Variants in ECPAS observed in about 807,000 individuals in gnomAD.
ECPAS encodes Ecm29 proteasome adaptor and scaffold, also known as proteasome adapter and scaffold protein ECM29.
ECPAS carries 70 observed loss-of-function variants against 255.1 expected under a neutral mutation model. The observed-to-expected ratio is 0.27, with a 90% CI of 0.23 to 0.33. The LOEUF is 0.33. ECPAS is among the 10% of genes least tolerant of loss of function. The probability of loss-of-function intolerance (pLI) is 1.00; values close to 1 mark genes in which losing one functional copy is unlikely to be tolerated. For missense variants in ECPAS, 1,817 were observed against 2,206.4 expected (o/e 0.82, Z 3.54); for synonymous variants, 784 against 775.0 (o/e 1.01, Z -0.19).
intron 7 of ECPAS, among the ~76,000 whole-genome samples, chr9:111,435,919 A>T (rs1356525753): frequency 6.9e-6 from 1 of 145,638 alleles, no homozygotes; most frequent in Non-Finnish European, 1.5e-5. Context: ...CGATCTCCTG[A>T]CCTCATGATC....
At chr9:111,421,898 C>T in intron 15 of ECPAS, 23 bp downstream of exon 15, 3 of 1,609,656 alleles carry the variant, frequency 1.9e-6, no homozygotes, top group Non-Finnish European at 2.5e-6. Context: ...ACTACCCAGG[C>T]TTTGTAGTTC....
chr9:111,393,201 T>C (rs1010063798), intron 27 of ECPAS, among the ~76,000 whole-genome samples: 3 of 152,188 alleles, frequency 2.0e-5, no homozygotes, highest in Non-Finnish European at 4.4e-5. Flanking sequence ...ACATCAGAGA[T>C]AAAACAGCCT....
chr9:111,427,120 C>A (rs540563000), intron 10 of ECPAS, among the ~76,000 whole-genome samples: 1 of 148,888 alleles, frequency 6.7e-6, no homozygotes, highest in African/African-American at 2.5e-5. Context: ...GATTGTGCCA[C>A]TGCACTCCAG....
intron 43 of ECPAS, 150 bp downstream of exon 43, chr9:111,371,471 G>A (rs961328583): frequency 1.3e-6 from 1 of 746,658 alleles, no homozygotes; most frequent in Non-Finnish European, 2.2e-6. Flanking sequence ...AGTTAATCAG[G>A]CAAGGTTTAC....
intron 12 of ECPAS, among the ~76,000 whole-genome samples, chr9:111,424,200 C>T (rs1277255386): frequency 6.6e-6 from 1 of 152,208 alleles, no homozygotes; most frequent in Non-Finnish European, 1.5e-5. Context: ...CTACTTACCA[C>T]CCCAAAGCAC....
intron 24 of ECPAS, among the ~76,000 whole-genome samples, chr9:111,399,771 A>G (rs2098172889): frequency 6.6e-6 from 1 of 152,264 alleles, no homozygotes. Context: ...CTGCTGTGGA[A>G]GAGCACTTCT....
At chr9:111,475,673 T>A (rs1188537169) in intron 1 of ECPAS, among the ~76,000 whole-genome samples, 2 of 151,626 alleles carry the variant, frequency 1.3e-5, no homozygotes, top group Non-Finnish European at 2.9e-5. Flanking sequence ...GAGGCAGAGG[T>A]TGCAATGAGC....
chr9:111,475,870 C>T lies in ECPAS; in HGVS notation c.-82-2870G>A, dbSNP rs140991285. 2.8e-3 allele frequency among the ~76,000 whole-genome samples: 425 copies of T among 152,222 alleles called. 5 individuals are homozygous for T. The highest frequency in any genetic ancestry group is 9.8e-3 in the African/African-American group (408 of 41,530). On this transcript the variant is annotated intron_variant, in intron 1 of 49. Coordinates refer to ENST00000684092, the MANE Select transcript of ECPAS (RefSeq NM_001364929.1). ...TTAAGTAACTAAAATTTAAATGATA[C>T]AGGCTTGCCTTGGCCTTTCTACAAA...
rs1414009884 is a variant in ECPAS at position 111,370,708 on chromosome 9, G to C, written c.4781+14C>G. The stretch of plus-strand genomic sequence containing the variant: ...CAGTTTAAGAAATGGCATCTTCATT[G>C]AAAGAACATTTACCTGCAAGCTGTC... On this transcript the variant is annotated intron_variant, in intron 44 of 49. Transcript: ENST00000684092. The C allele has an allele frequency of 3.1e-6, 5 of 1,606,844 alleles. No homozygotes were observed. Among genetic ancestry groups the C allele is most frequent in the African/African-American group, 2.7e-5 (2 of 74,828 alleles).
At chr9:111,412,207 C>G in intron 20 of ECPAS, 59 bp from the exon 21 acceptor site, 2 of 1,377,704 alleles carry the variant, frequency 1.5e-6, no homozygotes, top group Non-Finnish European at 1.9e-6. Context: ...TGCCTGATGA[C>G]AACATCTTTT....
At chr9:111,376,562 T>C in intron 36 of ECPAS, 21 bp from the exon 37 acceptor site, 1 of 1,571,392 alleles carries the variant, frequency 6.4e-7, no homozygotes, top group Non-Finnish European at 8.7e-7. Context: ...GAAATTAAAG[T>C]CACCCGGCAC....
intron 24 of ECPAS, among the ~76,000 whole-genome samples, chr9:111,398,322 A>C (rs997312184): frequency 6.6e-6 from 1 of 152,202 alleles, no homozygotes; most frequent in Non-Finnish European, 1.5e-5. Flanking sequence ...TTAGGGGTTC[A>C]TTTTATGTAC....
At chr9:111,408,513 A>C (rs1433437734) in intron 24 of ECPAS, 58 bp downstream of exon 24, 4 of 1,144,924 alleles carry the variant, frequency 3.5e-6, no homozygotes, top group Non-Finnish European at 4.9e-6. Flanking sequence ...CCTAAAAAAA[A>C]AAAAAAGACC....
chr9:111,421,742 C>T (rs1396735616), intron 15 of ECPAS, among the ~76,000 whole-genome samples, 179 bp downstream of exon 15: 1 of 152,096 alleles, frequency 6.6e-6, no homozygotes, highest in African/African-American at 2.4e-5. Flanking sequence ...GCTATGAATA[C>T]TACCACTCCT....
rs1220278130 is a variant in ECPAS at position 111,373,539 on chromosome 9, T to C, written c.4178-133A>G. ...CACAGTAGTTTAGATTTCTGGATGT[T>C]ATATTTATATATCCATTTGCTTCCT... On this transcript the variant is annotated intron_variant, in intron 39 of 49. Coordinates refer to ENST00000684092, the MANE Select transcript of ECPAS (RefSeq NM_001364929.1). 4 of 676,984 alleles carry C rather than the reference T, an allele frequency of 5.9e-6. No individual in the cohort carries two copies. In the East Asian group the frequency reaches 7.8e-5, roughly 13 times the overall value. The allele number at this position is 676,984 out of a possible 1,614,324, so 41.9% of individuals were successfully genotyped here.
chr9:111,415,402 A>G (rs1472161546), intron 18 of ECPAS, among the ~76,000 whole-genome samples: 1 of 152,154 alleles, frequency 6.6e-6, no homozygotes, highest in African/African-American at 2.4e-5. Context: ...ATAACACCAT[A>G]AAAACCTCTG....
chr9:111,375,282 C>T, intron 37 of ECPAS, 80 bp from the exon 38 acceptor site: 1 of 952,832 alleles, frequency 1.0e-6, no homozygotes, highest in Non-Finnish European at 1.7e-6. Context: ...CTGCCCTTGT[C>T]AAACGTGTAC....
intron 24 of ECPAS, among the ~76,000 whole-genome samples, chr9:111,398,241 T>C (rs1007751719): frequency 2.0e-5 from 3 of 152,222 alleles, no homozygotes; most frequent in African/African-American, 7.2e-5. Flanking sequence ...GCTTTAGTCC[T>C]ACAGCTTCCC....
chr9:111,435,188 G>A (rs778033002), intron 7 of ECPAS, among the ~76,000 whole-genome samples: 11 of 151,792 alleles, frequency 7.2e-5, no homozygotes, highest in Admixed American at 2.6e-4. Context: ...CCCGAGCCAC[G>A]ACACCCAGCC....
Sources: gnomAD v4.1 joint callset for allele counts (sites outside exome capture counted in the v4.1 genomes callset) on GRCh38, gnomAD v4.1.1 for gene constraint, MANE v1.5 for transcripts, NCBI Gene and HGNC (gene_info 2026-07-23, HGNC 2026-07-21) for gene names.